BHMT2: variants seen among roughly 807,000 people sequenced by gnomAD.
BHMT2 encodes the protein S-methylmethionine--homocysteine S-methyltransferase BHMT2.
BHMT2 carries 28 observed loss-of-function variants against 39.0 expected under a neutral mutation model. The ratio of observed to expected loss-of-function variants is 0.72; its 90% confidence interval spans 0.53 to 0.98. The LOEUF (loss-of-function observed/expected upper bound fraction) is 0.98. Ranked by LOEUF, BHMT2 falls within the 50% of genes least tolerant of loss-of-function variation. BHMT2 has a pLI of 0.00. For synonymous variants in BHMT2, 145 were observed against 160.6 expected, an observed-to-expected ratio of 0.90 and a Z score of 0.74; for missense variants, 410 against 455.6, an observed-to-expected ratio of 0.90 and a Z score of 0.91.
At position 79,083,784 on chromosome 5, in the gene BHMT2, C is replaced by T. The variant is rs1024287319; in HGVS notation, c.938C>T (p.Pro313Leu). The T allele has an allele frequency of 6.2e-7, 1 of 1,614,130 alleles. No individual in the cohort carries two copies. Among genetic ancestry groups the T allele is most frequent in the East Asian group, 2.2e-5 (1 of 44,874 alleles). The change falls in exon 7 of 8, where the codon CCA becomes CTA. Residue 313 changes from proline to leucine, a missense_variant. Physicochemically the swap from Pro to Leu is moderately conservative, Grantham distance 98. Coordinates refer to ENST00000255192, the MANE Select transcript of BHMT2 (RefSeq NM_017614.5). ...EELAPERGFL[P>L]PASEKHGSWG... ...CTGGCCCCAGAAAGGGGCTTTTTGC[C>T]ACCAGCTTCAGAAAAACACGGCAGC...
chr5:79,083,681 G>C lies in BHMT2; in HGVS notation c.835G>C (p.Ala279Pro). Residue 279 changes from alanine (A) to proline (P), a missense_variant, in exon 7 of 8, where the codon GCC (alanine) becomes CCC (proline). Coordinates refer to ENST00000255192, the MANE Select transcript of BHMT2 (RefSeq NM_017614.5). ...RWDIQKYARE[A>P]YNLGVRYIGG... Reference sequence around the variant, plus strand: ...GGATATTCAAAAATACGCCAGAGAGGCCTACAACCTGGGGGTCAGGTACAT... The same window carrying C: ...GGATATTCAAAAATACGCCAGAGAGCCCTACAACCTGGGGGTCAGGTACAT... The C allele has an allele frequency of 6.2e-7, 1 of 1,614,096 alleles. No individual in the cohort carries two copies.
intron 6 of BHMT2, 54 bp downstream of exon 6, chr5:79,083,428 T>C: frequency 2.0e-6 from 3 of 1,532,712 alleles, no homozygotes; most frequent in South Asian, 1.3e-5. Context: ...AAAATCCAAA[T>C]GGCTATAATA....
chr5:79,076,849 C>T (rs1467096073), intron 1 of BHMT2, among the ~76,000 whole-genome samples: 1 of 152,230 alleles, frequency 6.6e-6, no homozygotes, highest in Non-Finnish European at 1.5e-5. Flanking sequence ...CCAGGGGTAA[C>T]AGCCCATGGC....
intron 7 of BHMT2, among the ~76,000 whole-genome samples, chr5:79,087,650 T>C (rs1471722582): frequency 6.6e-6 from 1 of 152,182 alleles, no homozygotes; most frequent in Non-Finnish European, 1.5e-5. Flanking sequence ...AATAAAAATA[T>C]ATTCATCAGA....
chr5:79,077,129 C>A (rs1755686440), intron 1 of BHMT2, among the ~76,000 whole-genome samples: 1 of 152,236 alleles, frequency 6.6e-6, no homozygotes, highest in South Asian at 2.1e-4. Context: ...GGGCATTGTC[C>A]CCCCACACAA....
chr5:79,084,345 C>T (rs1299892637), intron 7 of BHMT2, among the ~76,000 whole-genome samples: 5 of 152,190 alleles, frequency 3.3e-5, no homozygotes, highest in East Asian at 1.9e-4. Context: ...GACACAATCT[C>T]GGTTCACTGC....
chr5:79,075,261 C>T (rs887542566), intron 1 of BHMT2, among the ~76,000 whole-genome samples: 1 of 152,106 alleles, frequency 6.6e-6, no homozygotes, highest in Non-Finnish European at 1.5e-5. Context: ...ATTTGGTGCA[C>T]ACTCTGTAAA....
At chr5:79,077,707 A>G in intron 2 of BHMT2, 95 bp downstream of exon 2, 1 of 1,464,040 alleles carries the variant, frequency 6.8e-7, no homozygotes, top group Non-Finnish European at 9.3e-7. Flanking sequence ...ACTGTTTCAA[A>G]GGGGTGTTTT....
chr5:79,083,604 A>G, intron 6 of BHMT2, 24 bp from the exon 7 acceptor site: 1 of 1,610,560 alleles, frequency 6.2e-7, no homozygotes, highest in Non-Finnish European at 8.5e-7. Context: ...AGTAACAGAA[A>G]TGCTGTTAAC....
At chr5:79,079,557 T>G (rs1255273372) in intron 3 of BHMT2, 97 bp downstream of exon 3, 4 of 839,830 alleles carry the variant, frequency 4.8e-6, no homozygotes, top group Non-Finnish European at 7.7e-6. Context: ...TACTATACTT[T>G]ATTACAAAGT....
At chr5:79,079,791 G>C (rs1755751872) in intron 3 of BHMT2, among the ~76,000 whole-genome samples, 1 of 152,172 alleles carries the variant, frequency 6.6e-6, no homozygotes, top group Non-Finnish European at 1.5e-5. Context: ...AGCTACGCAG[G>C]AGGTTGAGGC....
Position 79,088,563 on chromosome 5 carries a change from C to A in BHMT2, c.1081C>A (p.Pro361Thr). The change falls in exon 8 of 8, where the codon CCA (proline) becomes ACA (threonine). Residue 361 changes from proline to threonine, a missense_variant. Pro to Thr is a conservative substitution (Grantham distance 38). Transcript: ENST00000255192. ...ACCTTTCTGTCCTTCGCTGTCAAAG[C>A]CAGACTTCTAAGGAGTAGTGAAAGA... ...GRPFCPSLSK[P>T]DF 6.2e-7 allele frequency: 1 copy of A among 1,613,824 alleles called. No individual in the cohort carries two copies. Among genetic ancestry groups the A allele is most frequent in the Non-Finnish European group, 8.5e-7 (1 of 1,179,872 alleles).
Position 79,082,888 on chromosome 5 carries a change from G to A in BHMT2, c.530G>A (p.Cys177Tyr), listed in dbSNP as rs1336348583. 1 of 1,614,194 alleles carries A rather than the reference G, an allele frequency of 6.2e-7. No individual in the cohort carries two copies. The highest frequency in any genetic ancestry group is 1.1e-5 in the South Asian group (1 of 91,078). The change falls in exon 5 of 8, where the codon TGC becomes TAC. Residue 177 changes from cysteine (C) to tyrosine (Y), a missense_variant. Physicochemically the swap from Cys to Tyr is radical, Grantham distance 194. Transcript: ENST00000255192. ...GATAGACCCGTGGCAGTTACCATGT[G>A]CATAGGCCCAGAGGGAGACATGCAT... ...ESDRPVAVTM[C>Y]IGPEGDMHDI...
At chr5:79,085,541 C>T (rs1007713453) in intron 7 of BHMT2, among the ~76,000 whole-genome samples, 1 of 152,034 alleles carries the variant, frequency 6.6e-6, no homozygotes, top group African/African-American at 2.4e-5. Context: ...GTTAGCCTGG[C>T]GTGGTGGCGG....
intron 5 of BHMT2, 99 bp from the exon 6 acceptor site, chr5:79,083,093 G>A (rs552400178): frequency 1.3e-6 from 2 of 1,570,920 alleles, no homozygotes; most frequent in East Asian, 2.3e-5. Context: ...AATTGTGGGA[G>A]GTGGAGGGGA....
intron 7 of BHMT2, among the ~76,000 whole-genome samples, chr5:79,086,808 T>A (rs1330898059): frequency 6.6e-6 from 1 of 152,032 alleles, no homozygotes; most frequent in Non-Finnish European, 1.5e-5. Flanking sequence ...ATAACAGGGC[T>A]TCACTTTCCC....
intron 1 of BHMT2, among the ~76,000 whole-genome samples, chr5:79,075,438 G>T (rs540592109): frequency 6.6e-6 from 1 of 152,230 alleles, no homozygotes; most frequent in African/African-American, 2.4e-5. Context: ...GTCTCCCTTG[G>T]ATTCAGGAAC....
intron 1 of BHMT2, among the ~76,000 whole-genome samples, chr5:79,074,957 T>A (rs1448076352): frequency 6.6e-6 from 1 of 152,204 alleles, no homozygotes; most frequent in East Asian, 1.9e-4. Flanking sequence ...CTGATCCAGT[T>A]TCCCCCATGC....
rs1424048568 is a variant in BHMT2 at position 79,088,615 on chromosome 5, A to T, written c.*41A>T. On this transcript the variant is annotated 3_prime_UTR_variant, in exon 8 of 8. Coordinates refer to ENST00000255192, the MANE Select transcript of BHMT2 (RefSeq NM_017614.5). ...AACCCTGAAATAATCGAACAGGAAA[A>T]AGTTGCCCTCAAGCCTGACCTGGAA... 6.3e-7 allele frequency: 1 copy of T among 1,581,550 alleles called. No individual in the cohort carries two copies. Among genetic ancestry groups the T allele is most frequent in the East Asian group, 2.2e-5 (1 of 44,600 alleles).
Sources: allele counts gnomAD v4.1 joint callset (sites outside exome capture counted in the v4.1 genomes callset), GRCh38; gene constraint gnomAD v4.1.1; transcripts MANE v1.5; gene names NCBI Gene and HGNC (gene_info 2026-07-23, HGNC 2026-07-21).